AQR: variants seen among roughly 807,000 people sequenced by gnomAD.
The protein encoded by AQR is aquarius intron-binding spliceosomal factor.
In AQR, 61 loss-of-function variants were observed where a neutral mutation model predicts 180.5. The observed-to-expected ratio is 0.34, with a 90% CI of 0.28 to 0.42. The LOEUF (loss-of-function observed/expected upper bound fraction) is 0.42. Ranked by LOEUF, AQR falls within the 10% of genes least tolerant of loss-of-function variation. AQR has a pLI of 1.00. For missense variants in AQR, 1,281 were observed against 1,798.3 expected (o/e 0.71, Z 5.20); for synonymous variants, 551 against 588.8 (o/e 0.94, Z 0.93).
At chr15:34,940,127 A>T (rs1894000785) in intron 8 of AQR, among the ~76,000 whole-genome samples, 1 of 152,248 alleles carries the variant, frequency 6.6e-6, no homozygotes, top group Non-Finnish European at 1.5e-5. Context: ...AGTGGAGTGA[A>T]GAGGAAAGGG....
intron 22 of AQR, among the ~76,000 whole-genome samples, chr15:34,894,755 T>C (rs1893204831): frequency 1.3e-5 from 2 of 152,086 alleles, no homozygotes; most frequent in Admixed American, 6.6e-5. Flanking sequence ...GAGTAAGTAT[T>C]TGCCAATCAA....
chr15:34,888,848 A>G (rs1893099679), intron 24 of AQR, among the ~76,000 whole-genome samples: 1 of 152,216 alleles, frequency 6.6e-6, no homozygotes, highest in Non-Finnish European at 1.5e-5. Context: ...AGAGAAAGTG[A>G]TGCTACTTTT....
intron 15 of AQR, among the ~76,000 whole-genome samples, chr15:34,917,947 C>T (rs188723755): frequency 3.9e-5 from 6 of 152,084 alleles, no homozygotes; most frequent in South Asian, 2.1e-4. Context: ...TGCACCACTG[C>T]GCTCCAGCCT....
rs369944363 is a variant in AQR at position 34,934,573 on chromosome 15, C to G, written c.781G>C (p.Glu261Gln). 8.0e-5 allele frequency: 128 copies of G among 1,592,314 alleles called. No individual in the cohort carries two copies. The Admixed American group carries it at 1.3e-3, about 16-fold the overall frequency. ...ERFIELMIDLEALLPTRRWFN... is the reference protein window; with the variant it reads ...ERFIELMIDLQALLPTRRWFN... Reference sequence around the variant, plus strand: ...AAAAGTCACGGTAGATTTCTTACCTCTAGATCAATCATAAGTTCAATGAAT... The same window carrying G: ...AAAAGTCACGGTAGATTTCTTACCTGTAGATCAATCATAAGTTCAATGAAT... The change falls in exon 10 of 35, where the codon GAG becomes CAG. Residue 261 changes from glutamate (E) to glutamine (Q), a missense_variant and splice_region_variant. Glu to Gln is a conservative substitution (Grantham distance 29). This residue lies in a region of AQR where 404 missense variants were observed against 490.9 expected (regional missense o/e 0.82). Transcript: ENST00000156471.
rs952154707 is a variant in AQR, at chr15:34,915,289, C to G, written c.1343-110G>C. ...CACTGCAACCTCCGCCTCCCAGATTCAAGCCATTCTCCTGCCTCAGCCTCC... is the reference window on the plus strand; with the variant it reads ...CACTGCAACCTCCGCCTCCCAGATTGAAGCCATTCTCCTGCCTCAGCCTCC... On this transcript the variant is annotated intron_variant, in intron 15 of 34. Transcript: ENST00000156471. The G allele has an allele frequency of 2.4e-4, 266 of 1,090,342 alleles. 1 individual carries two copies. Among genetic ancestry groups the G allele is most frequent in the Non-Finnish European group, 3.1e-4 (250 of 799,414 alleles). The allele number at this position is 1,090,342 out of a possible 1,614,324, so 67.5% of individuals were successfully genotyped here.
At chr15:34,954,038 T>C (rs142292095) in intron 3 of AQR, among the ~76,000 whole-genome samples, 4 of 152,256 alleles carry the variant, frequency 2.6e-5, no homozygotes, top group African/African-American at 9.6e-5. Flanking sequence ...CCTCAGACTC[T>C]TGAGTAGCTG....
rs193194817 is a variant in AQR at position 34,861,411 on chromosome 15, C to T, written c.4030-1256G>A. Among the ~76,000 whole-genome samples the T allele has an allele frequency of 2.8e-3, 420 of 152,324 alleles. 1 individual carries two copies. The highest frequency in any genetic ancestry group is 9.6e-3 in the African/African-American group (398 of 41,566). The stretch of plus-strand genomic sequence containing the variant: ...TTGAGACACAGCACTCTCCGCCCCT[C>T]ACTATCTCTTGAGGAGAAGATGGGG... On this transcript the variant is annotated intron_variant, in intron 33 of 34. Coordinates refer to ENST00000156471, the MANE Select transcript of AQR (RefSeq NM_014691.3).
At chr15:34,920,816 G>C (rs1893672272) in intron 13 of AQR, among the ~76,000 whole-genome samples, 1 of 152,060 alleles carries the variant, frequency 6.6e-6, no homozygotes, top group Admixed American at 6.6e-5. Flanking sequence ...AAATTAGCCG[G>C]GCGTGGTGGC....
chr15:34,938,945 C>A (rs1893983542), intron 8 of AQR, 132 bp from the exon 9 acceptor site: 2 of 612,246 alleles, frequency 3.3e-6, no homozygotes, highest in South Asian at 4.3e-5. Flanking sequence ...ACTATAACTT[C>A]AATATACAGC....
Position 34,927,135 on chromosome 15 carries a change from C to T in AQR, c.1018G>A (p.Ala340Thr). 2 of 1,565,864 alleles carry T rather than the reference C, an allele frequency of 1.3e-6. No individual in the cohort carries two copies. The highest frequency in any genetic ancestry group is 1.7e-6 in the Non-Finnish European group (2 of 1,155,896). The stretch of plus-strand genomic sequence containing the variant: ...AGTTCAGGAAAATGTGCAAAAGCAG[C>T]TCTCTAGAAAATAATGGCAAAAAAT... Reference protein sequence around the residue: ...HYDRITSLQRAAFAHFPELYD... With the variant: ...HYDRITSLQRTAFAHFPELYD... The change falls in exon 13 of 35, where the codon GCT becomes ACT. Residue 340 changes from alanine to threonine, a missense_variant. Physicochemically the swap from Ala to Thr is moderately conservative, Grantham distance 58 (BLOSUM62 0). This residue lies in a region of AQR where 404 missense variants were observed against 490.9 expected (regional missense o/e 0.82). Coordinates refer to ENST00000156471, the MANE Select transcript of AQR (RefSeq NM_014691.3).
intron 27 of AQR, among the ~76,000 whole-genome samples, chr15:34,878,910 C>G (rs907031610): frequency 6.6e-6 from 1 of 152,020 alleles, no homozygotes; most frequent in South Asian, 2.1e-4. Flanking sequence ...TGCCTGTAAT[C>G]CCAGCTACTT....
chr15:34,856,821 C>T lies in AQR; in HGVS notation c.4429G>A (p.Ala1477Thr), dbSNP rs765924707. The T allele has an allele frequency of 1.3e-6, 2 of 1,576,906 alleles. No homozygotes were observed. The highest frequency in any genetic ancestry group is 4.5e-5 in the East Asian group (2 of 44,624). Residue 1477 changes from alanine to threonine, a missense_variant, in exon 35 of 35, where the codon GCC (alanine) becomes ACC (threonine). This residue lies in a region of AQR where 182 missense variants were observed against 185.3 expected (regional missense o/e 0.98). Transcript: ENST00000156471. ...APAEANTPQDATSAPEETK is the reference protein window; with the variant it reads ...APAEANTPQDTTSAPEETK ...TTGGTCTCTTCCGGGGCAGATGTGGCATCCTGAGGTGTGTTAGCTTCTGCC... is the reference window on the plus strand; with the variant it reads ...TTGGTCTCTTCCGGGGCAGATGTGGTATCCTGAGGTGTGTTAGCTTCTGCC...
chr15:34,968,590 T>C (rs1054169762), intron 1 of AQR, among the ~76,000 whole-genome samples: 2 of 152,166 alleles, frequency 1.3e-5, no homozygotes, highest in East Asian at 3.9e-4. Context: ...GCAAGTGATA[T>C]GATGAGATTT....
Position 34,854,230 on chromosome 15 carries a change from T to C in AQR, c.*2562A>G, listed in dbSNP as rs1423675564. The C allele has an allele frequency of 1.3e-5, 2 of 151,868 alleles. No individual in the cohort carries two copies. Among genetic ancestry groups the C allele is most frequent in the Non-Finnish European group, 2.9e-5 (2 of 67,974 alleles). 9.4% of individuals were successfully genotyped at this position (151,868 alleles called of 1,614,324 possible). A position where few individuals can be genotyped will look rare whatever the true frequency, so the allele number is the denominator to read the frequency against. On this transcript the variant is annotated 3_prime_UTR_variant, in exon 35 of 35. Coordinates refer to ENST00000156471, the MANE Select transcript of AQR (RefSeq NM_014691.3). Reference sequence around the variant, plus strand: ...CATTTCATGCTCATTCTTTTGGGCATGGCTCTTTTTGGTTTTCTTTACAAA... The same window carrying C: ...CATTTCATGCTCATTCTTTTGGGCACGGCTCTTTTTGGTTTTCTTTACAAA...
chr15:34,937,439 T>C (rs1213387474), intron 9 of AQR, among the ~76,000 whole-genome samples: 1 of 152,222 alleles, frequency 6.6e-6, no homozygotes, highest in Non-Finnish European at 1.5e-5. Flanking sequence ...TTTTCAATTG[T>C]AAAATATTAC....
chr15:34,894,506 T>C (rs1893200371), intron 22 of AQR, among the ~76,000 whole-genome samples: 1 of 152,116 alleles, frequency 6.6e-6, no homozygotes, highest in Non-Finnish European at 1.5e-5. Flanking sequence ...TTTGTTTTTG[T>C]TTTTTTAAAA....
chr15:34,860,570 A>G (rs1002761624), intron 33 of AQR, among the ~76,000 whole-genome samples: 16 of 152,204 alleles, frequency 1.1e-4, no homozygotes, highest in Admixed American at 2.0e-4. Flanking sequence ...TTAGTACAAG[A>G]TAAGTAATTA....
At chr15:34,888,105 C>G (rs1893089670) in intron 24 of AQR, among the ~76,000 whole-genome samples, 1 of 151,634 alleles carries the variant, frequency 6.6e-6, no homozygotes, top group African/African-American at 2.4e-5. Flanking sequence ...CAAGACTAGC[C>G]TGGCCAACAT....
Position 34,857,089 on chromosome 15 carries a change from T to C in AQR, c.4161A>G (p.Pro1387=). ...HHYHQTLLQL[P]PAMVEEGEEV... ...CCTCACCCTCTTCTACCATAGCAGG[T>C]GGTAGTTGTAATAAAGTCTAATTAA... Residue 1387 remains proline, a synonymous_variant, in exon 35 of 35, where the codon CCA becomes CCG. Transcript: ENST00000156471. The C allele has an allele frequency of 6.4e-7, 1 of 1,567,614 alleles. No homozygotes were observed. Among genetic ancestry groups the C allele is most frequent in the Non-Finnish European group, 8.6e-7 (1 of 1,161,204 alleles).
Sources: allele counts gnomAD v4.1 joint callset (sites outside exome capture counted in the v4.1 genomes callset), GRCh38; gene constraint gnomAD v4.1.1; regional missense constraint gnomAD v4.1.1; transcripts MANE v1.5; gene names NCBI Gene and HGNC (gene_info 2026-07-23, HGNC 2026-07-21).